Variants in NSL1 observed in about 807,000 individuals in gnomAD.
NSL1 encodes NSL1 component of MIS12 kinetochore complex, also known as kinetochore-associated protein NSL1 homolog.
A neutral mutation model predicts 25.4 loss-of-function variants in NSL1; 11 were observed. That is an observed-to-expected ratio of 0.43 (90% CI 0.27 to 0.72). The LOEUF is 0.72. Ranked by LOEUF, NSL1 falls within the 30% of genes least tolerant of loss-of-function variation. The pLI, the probability that NSL1 is intolerant of heterozygous loss-of-function variation, is 0.19. For synonymous variants in NSL1, 118 were observed against 120.6 expected (o/e 0.98, Z 0.14); for missense variants, 330 against 342.7 (o/e 0.96, Z 0.29).
chr1:212,737,331 A>C lies in NSL1; in HGVS notation c.*1077T>G. ...GTGAATCTAGACATTTATGATTATT[A>C]ATACATAATAAGCAAGAGAAATACA... On this transcript the variant is annotated 3_prime_UTR_variant, in exon 6 of 6. Coordinates refer to ENST00000366977, the MANE Select transcript of NSL1 (RefSeq NM_015471.4). 1 of 985,044 alleles carries C rather than the reference A, an allele frequency of 1.0e-6. No individual in the cohort carries two copies. Among genetic ancestry groups the C allele is most frequent in the Non-Finnish European group, 1.2e-6 (1 of 829,590 alleles). The allele number at this position is 985,044 out of a possible 1,614,324, so 61.0% of individuals were successfully genotyped here.
chr1:212,784,729 C>T (rs901072816), intron 2 of NSL1, among the ~76,000 whole-genome samples: 2 of 152,178 alleles, frequency 1.3e-5, no homozygotes, highest in Admixed American at 6.5e-5. Flanking sequence ...AAGATGAGCA[C>T]AACATGATTC....
chr1:212,741,720 A>ATAT (rs2102431244), intron 4 of NSL1, among the ~76,000 whole-genome samples: 1 of 152,330 alleles, frequency 6.6e-6, no homozygotes, highest in African/African-American at 2.4e-5. Flanking sequence ...TCAGTCTCAG[A>ATAT]TATTTCTTTA....
intron 2 of NSL1, among the ~76,000 whole-genome samples, chr1:212,784,987 G>A (rs1660884078): frequency 6.6e-6 from 1 of 152,190 alleles, no homozygotes; most frequent in South Asian, 2.1e-4. Context: ...AACAGTATTT[G>A]CAAGATCCTA....
At chr1:212,759,625 C>A (rs1659466772) in intron 4 of NSL1, among the ~76,000 whole-genome samples, 1 of 152,062 alleles carries the variant, frequency 6.6e-6, no homozygotes, top group Non-Finnish European at 1.5e-5. Flanking sequence ...CAGCATAGCA[C>A]CATTTTGAGA....
chr1:212,791,740 C>G lies in NSL1; in HGVS notation c.24G>C (p.Val8=). Residue 8 remains valine, a synonymous_variant, in exon 1 of 6, where the codon GTG becomes GTC. Transcript: ENST00000366977. The part of the protein sequence containing the change: MAGSPEL[V]VLDPPWDKEL... ...CCTTGTCCCATGGAGGGTCAAGGAC[C>G]ACCAACTCAGGAGACCCCGCCATTT... is the stretch of plus-strand genomic sequence containing the variant. 2 of 1,610,996 alleles carry G rather than the reference C, an allele frequency of 1.2e-6. No homozygotes were observed. Among genetic ancestry groups the G allele is most frequent in the South Asian group, 1.1e-5 (1 of 90,974 alleles).
chr1:212,754,321 T>C (rs1208921814), intron 4 of NSL1, among the ~76,000 whole-genome samples: 1 of 152,142 alleles, frequency 6.6e-6, no homozygotes, highest in Admixed American at 6.6e-5. Context: ...AGGCTAAAGC[T>C]GCAGGCCTAC....
At chr1:212,754,634 G>A (rs1317921274) in intron 4 of NSL1, among the ~76,000 whole-genome samples, 1 of 151,820 alleles carries the variant, frequency 6.6e-6, no homozygotes, top group Non-Finnish European at 1.5e-5. Flanking sequence ...AAAATTATCC[G>A]GGCGTGGTGG....
At chr1:212,752,665 A>C (rs754290942) in intron 4 of NSL1, among the ~76,000 whole-genome samples, 2 of 152,218 alleles carry the variant, frequency 1.3e-5, no homozygotes, top group Non-Finnish European at 2.9e-5. Flanking sequence ...TCATCAGTAG[A>C]TTGCTATAAG....
At position 212,727,521 on chromosome 1, in the gene NSL1, C is replaced by G; in HGVS notation, c.*10887G>C. ...AATTTAGGTTAATATCATAACTATACCACTGGAGAGAAAGGACAATGAATT... is the reference window on the plus strand; with the variant it reads ...AATTTAGGTTAATATCATAACTATAGCACTGGAGAGAAAGGACAATGAATT... On this transcript the variant is annotated 3_prime_UTR_variant, in exon 6 of 6. Transcript: ENST00000366977. 1.0e-6 allele frequency: 1 copy of G among 985,348 alleles called. No individual in the cohort carries two copies. The highest frequency in any genetic ancestry group is 1.7e-5 in the African/African-American group (1 of 57,324). 61.0% of individuals were successfully genotyped at this position (985,348 alleles called of 1,614,324 possible).
Position 212,754,175 on chromosome 1 carries a change from T to C in NSL1, c.500-14574A>G, listed in dbSNP as rs553763791. 2.3e-4 allele frequency among the ~76,000 whole-genome samples: 35 copies of C among 152,268 alleles called. 1 individual carries two copies. In the South Asian group the frequency reaches 6.4e-3, roughly 28 times the overall value. Reference sequence around the variant, plus strand: ...GACTTCCTAGTCAAGTTGATTTCAGTAGTGCATAAAACTCCCTTCCTATGT... The same window carrying C: ...GACTTCCTAGTCAAGTTGATTTCAGCAGTGCATAAAACTCCCTTCCTATGT... On this transcript the variant is annotated intron_variant, in intron 4 of 5. Coordinates refer to ENST00000366977, the MANE Select transcript of NSL1 (RefSeq NM_015471.4).
At position 212,727,984 on chromosome 1, in the gene NSL1, C is replaced by T. The variant is rs1382120067; in HGVS notation, c.*10424G>A. 1.8e-5 allele frequency: 18 copies of T among 985,248 alleles called. No individual in the cohort carries two copies. The highest frequency in any genetic ancestry group is 2.2e-5 in the Non-Finnish European group (18 of 829,920). The allele number at this position is 985,248 out of a possible 1,614,324, so 61.0% of individuals were successfully genotyped here. The stretch of plus-strand genomic sequence containing the variant: ...TGGACAAGGCCTTTGCTGTGAACCA[C>T]GGGGAGAAGGTGGAAGCAGAGTTTG... On this transcript the variant is annotated 3_prime_UTR_variant, in exon 6 of 6. Coordinates refer to ENST00000366977, the MANE Select transcript of NSL1 (RefSeq NM_015471.4).
chr1:212,786,763 G>A (rs905301744), intron 2 of NSL1, among the ~76,000 whole-genome samples: 26 of 152,008 alleles, frequency 1.7e-4, no homozygotes, highest in African/African-American at 5.8e-4. Flanking sequence ...AGCTGAGATC[G>A]CGCCACTGCA....
intron 4 of NSL1, among the ~76,000 whole-genome samples, chr1:212,757,363 G>GT (rs1192562405): frequency 6.6e-6 from 1 of 152,156 alleles, no homozygotes; most frequent in Non-Finnish European, 1.5e-5. Context: ...AAAAGAAATT[G>GT]TTTGGATGCT....
chr1:212,791,738 A>C lies in NSL1; in HGVS notation c.26T>G (p.Val9Gly), dbSNP rs1330635135. Residue 9 changes from valine to glycine, a missense_variant, in exon 1 of 6, where the codon GTC becomes GGC. By Grantham distance (109) the Val-to-Gly change is moderately radical. Transcript: ENST00000366977. The stretch of plus-strand genomic sequence containing the variant: ...CTCCTTGTCCCATGGAGGGTCAAGG[A>C]CCACCAACTCAGGAGACCCCGCCAT... MAGSPELV[V>G]LDPPWDKELA... is the part of the protein sequence containing the mutation. The C allele has an allele frequency of 4.3e-6, 7 of 1,611,766 alleles. No individual in the cohort carries two copies. In the South Asian group the frequency reaches 4.4e-5, roughly 10 times the overall value.
chr1:212,729,099 A>C lies in NSL1; in HGVS notation c.*9309T>G. ...ATTGCAGTAAGTGTTAAAACTTGCCAGTCAATTACAGGAATATATTAGTGT... is the reference window on the plus strand; with the variant it reads ...ATTGCAGTAAGTGTTAAAACTTGCCCGTCAATTACAGGAATATATTAGTGT... On this transcript the variant is annotated 3_prime_UTR_variant, in exon 6 of 6. Coordinates refer to ENST00000366977, the MANE Select transcript of NSL1 (RefSeq NM_015471.4). The C allele has an allele frequency of 2.0e-6, 2 of 985,466 alleles. No individual in the cohort carries two copies. Among genetic ancestry groups the C allele is most frequent in the Non-Finnish European group, 1.2e-6 (1 of 829,920 alleles). 61.0% of individuals were successfully genotyped at this position (985,466 alleles called of 1,614,324 possible).
chr1:212,778,971 C>T (rs1248678484), intron 4 of NSL1, among the ~76,000 whole-genome samples: 16 of 148,258 alleles, frequency 1.1e-4, no homozygotes, highest in African/African-American at 3.5e-4. Flanking sequence ...TCTTCCCGGC[C>T]GCCATCCCAT....
intron 4 of NSL1, among the ~76,000 whole-genome samples, chr1:212,764,297 C>G (rs1659700220): frequency 6.6e-6 from 1 of 152,174 alleles, no homozygotes; most frequent in African/African-American, 2.4e-5. Flanking sequence ...GGAAAGTTCA[C>G]AGTGTTAAAT....
At chr1:212,773,938 C>G (rs1003116040) in intron 4 of NSL1, among the ~76,000 whole-genome samples, 5 of 143,962 alleles carry the variant, frequency 3.5e-5, no homozygotes, top group African/African-American at 1.3e-4. Flanking sequence ...GACAGAAAGA[C>G]AAAAAGAAAA....
In NSL1 at chr1:212,733,362, G is replaced by A. The variant is rs999807896; in HGVS notation, c.*5046C>T. Among the ~76,000 whole-genome samples the A allele has an allele frequency of 1.3e-5, 2 of 151,114 alleles. No individual in the cohort carries two copies. The highest frequency in any genetic ancestry group is 4.9e-5 in the African/African-American group (2 of 41,084). ...TGGGAGGATGGCTTGAGTTGCGGGG[G>A]CAGAGGTTGCAGTAAGCCAAGATAG... is the stretch of plus-strand genomic sequence containing the variant. On this transcript the variant is annotated 3_prime_UTR_variant, in exon 6 of 6. Coordinates refer to ENST00000366977, the MANE Select transcript of NSL1 (RefSeq NM_015471.4).
Sources: gnomAD v4.1 joint callset for allele counts (sites outside exome capture counted in the v4.1 genomes callset) on GRCh38, gnomAD v4.1.1 for gene constraint, MANE v1.5 for transcripts, NCBI Gene and HGNC (gene_info 2026-07-23, HGNC 2026-07-21) for gene names.